The following ERBB4 variants were observed in gnomAD, a reference collection of about 807,000 sequenced individuals.
ERBB4 encodes the protein receptor tyrosine-protein kinase erbB-4.
In ERBB4, 42 loss-of-function variants were observed where a neutral mutation model predicts 158.0. The ratio of observed to expected loss-of-function variants is 0.27; its 90% CI spans 0.21 to 0.34. The LOEUF is 0.34. ERBB4 is among the 10% of genes least tolerant of loss of function. ERBB4 has a pLI of 1.00. For synonymous variants in ERBB4, 583 were observed against 558.7 expected, an observed-to-expected ratio of 1.04 and a Z score of -0.61; for missense variants, 1,333 against 1,624.1, an observed-to-expected ratio of 0.82 and a Z score of 3.08.
chr2:211,914,603 G>A (rs2079636470), intron 3 of ERBB4, among the ~76,000 whole-genome samples: 2 of 152,100 alleles, frequency 1.3e-5, no homozygotes, highest in South Asian at 4.1e-4. Flanking sequence ...AGAGAGATAG[G>A]TGGAAAATTA....
At position 211,862,470 on chromosome 2, in the gene ERBB4, C is replaced by T. The variant is rs906372163; in HGVS notation, c.422-74311G>A. On this transcript the variant is annotated intron_variant, in intron 3 of 27. Coordinates refer to ENST00000342788, the MANE Select transcript of ERBB4 (RefSeq NM_005235.3). ...AATTTTCCAGAGATTCCTGTTCAAACATAACTTCTACAGAATATGTTCATA... is the reference window on the plus strand; with the variant it reads ...AATTTTCCAGAGATTCCTGTTCAAATATAACTTCTACAGAATATGTTCATA... 4.6e-5 allele frequency among the ~76,000 whole-genome samples: 7 copies of T among 151,902 alleles called. 1 individual carries two copies. Among genetic ancestry groups the T allele is most frequent in the African/African-American group, 1.7e-4 (7 of 41,424 alleles).
intron 2 of ERBB4, among the ~76,000 whole-genome samples, chr2:212,075,808 T>G (rs1226669710): frequency 6.6e-6 from 1 of 151,898 alleles, no homozygotes; most frequent in Non-Finnish European, 1.5e-5. Context: ...ACAGCCAACA[T>G]TACATATGAA....
chr2:211,566,640 T>C (rs577365325), intron 19 of ERBB4, among the ~76,000 whole-genome samples: 1 of 152,316 alleles, frequency 6.6e-6, no homozygotes, highest in African/African-American at 2.4e-5. Flanking sequence ...TTAAGTGTAT[T>C]CACAGTGTAA....
intron 20 of ERBB4, among the ~76,000 whole-genome samples, chr2:211,547,002 G>T (rs2066957656): frequency 6.6e-6 from 1 of 151,756 alleles, no homozygotes; most frequent in Non-Finnish European, 1.5e-5. Flanking sequence ...GATTGTGGTG[G>T]CTATATGAAT....
rs1243691524 is a variant in ERBB4, at chr2:212,102,162, G to T, written c.234+22590C>A. On this transcript the variant is annotated intron_variant, in intron 2 of 27. Coordinates refer to ENST00000342788, the MANE Select transcript of ERBB4 (RefSeq NM_005235.3). ...AATAATTCTATCTTCCTTTAAAAAT[G>T]TATCTTTTTTCTTTACCGCTGGTCA... Among the ~76,000 whole-genome samples, 7 of 140,202 alleles carry T rather than the reference G, an allele frequency of 5.0e-5. No homozygotes were observed. The East Asian group carries it at 1.4e-3, about 28-fold the overall frequency. The allele number at this position is 140,202 out of a possible 152,430, so 92.0% of individuals were successfully genotyped here. A position where few individuals can be genotyped will look rare whatever the true frequency, so the allele number is the denominator to read the frequency against.
At chr2:211,409,773 G>A (rs551722687) in intron 25 of ERBB4, among the ~76,000 whole-genome samples, 1 of 151,974 alleles carries the variant, frequency 6.6e-6, no homozygotes, top group East Asian at 1.9e-4. Context: ...AGTTAGACTT[G>A]AGAAACTGAA....
chr2:212,036,231 C>T (rs932870348), intron 2 of ERBB4, among the ~76,000 whole-genome samples: 1 of 152,050 alleles, frequency 6.6e-6, no homozygotes, highest in African/African-American at 2.4e-5. Context: ...TTCTCCTGAA[C>T]TGTGAGAATG....
chr2:212,095,332 G>A (rs920603680), intron 2 of ERBB4, among the ~76,000 whole-genome samples: 1 of 152,130 alleles, frequency 6.6e-6, no homozygotes, highest in Non-Finnish European at 1.5e-5. Flanking sequence ...TATATGCCAA[G>A]CTTTCTCCCG....
rs926332526 is a variant in ERBB4, at chr2:211,613,347, G to A, written c.2301+5830C>T. Among the ~76,000 whole-genome samples, 14 of 150,586 alleles carry A rather than the reference G, an allele frequency of 9.3e-5. No individual in the cohort carries two copies. In the East Asian group the frequency reaches 1.9e-3, roughly 21 times the overall value. On this transcript the variant is annotated intron_variant, in intron 19 of 27. Coordinates refer to ENST00000342788, the MANE Select transcript of ERBB4 (RefSeq NM_005235.3). ...GTGAGATAGGAAGCACTGAGGGATC[G>A]TGAGACAAAGGAGAGTCAGTGAAAG...
intron 1 of ERBB4, among the ~76,000 whole-genome samples, chr2:212,439,761 T>A (rs1383580386): frequency 6.6e-6 from 1 of 152,176 alleles, no homozygotes; most frequent in African/African-American, 2.4e-5. Context: ...GAATTTATTC[T>A]AAGAAGATGC....
chr2:212,216,527 A>G (rs2105940353), intron 1 of ERBB4, among the ~76,000 whole-genome samples: 1 of 151,462 alleles, frequency 6.6e-6, no homozygotes, highest in Admixed American at 6.6e-5. Context: ...AATTAATGTA[A>G]CCTGTTTTTA....
At chr2:211,958,057 A>G (rs916710434) in intron 2 of ERBB4, among the ~76,000 whole-genome samples, 1 of 152,140 alleles carries the variant, frequency 6.6e-6, no homozygotes, top group Non-Finnish European at 1.5e-5. Context: ...AGCATGAGCA[A>G]TCTCAGAAAT....
chr2:211,469,473 C>T (rs1212816637), intron 20 of ERBB4, among the ~76,000 whole-genome samples: 3 of 152,048 alleles, frequency 2.0e-5, no homozygotes, highest in African/African-American at 7.2e-5. Context: ...CAGCTAAAAC[C>T]ATTTCCCACA....
chr2:211,462,436 TATAA>T (rs1312263425), intron 20 of ERBB4, among the ~76,000 whole-genome samples: 1 of 152,146 alleles, frequency 6.6e-6, no homozygotes. Flanking sequence ...CAAGTGAAAG[TATAA>T]ATAGTCTCAA....
intron 1 of ERBB4, among the ~76,000 whole-genome samples, chr2:212,128,363 A>C (rs751874218): frequency 2.0e-5 from 3 of 152,138 alleles, no homozygotes. Context: ...ACACCTTCCC[A>C]GAACTTGGTT....
intron 3 of ERBB4, among the ~76,000 whole-genome samples, chr2:211,797,992 G>A (rs2076417828): frequency 6.6e-6 from 1 of 151,876 alleles, no homozygotes; most frequent in Non-Finnish European, 1.5e-5. Flanking sequence ...TTTCAAATTA[G>A]TATACATTAA....
intron 4 of ERBB4, among the ~76,000 whole-genome samples, chr2:211,783,022 A>ATTTG (rs138651117): frequency 0.79 from 119,999 of 151,506 alleles, 47,855 homozygotes; most frequent in African/African-American, 0.87. Flanking sequence ...ATGTTCTTCC[A>ATTTG]TTTGTGTCCT....
At chr2:211,442,289 G>T (rs901639210) in intron 20 of ERBB4, among the ~76,000 whole-genome samples, 1 of 152,140 alleles carries the variant, frequency 6.6e-6, no homozygotes, top group Middle Eastern at 3.4e-3. Flanking sequence ...TCACAAATTA[G>T]ATGTCATTTC....
At chr2:212,444,677 G>A (rs751167099) in intron 1 of ERBB4, among the ~76,000 whole-genome samples, 3 of 152,134 alleles carry the variant, frequency 2.0e-5, no homozygotes, top group African/African-American at 4.8e-5. Flanking sequence ...AAGTGGCCAC[G>A]GTGGCAGGGA....
Sources: gnomAD v4.1 joint callset for allele counts (sites outside exome capture counted in the v4.1 genomes callset) on GRCh38, gnomAD v4.1.1 for gene constraint, MANE v1.5 for transcripts, NCBI Gene and HGNC (gene_info 2026-07-23, HGNC 2026-07-21) for gene names.